MYO1H: variants seen among roughly 807,000 people sequenced by gnomAD.
MYO1H encodes myosin IH, also known as unconventional myosin-Ih.
A neutral mutation model predicts 149.3 loss-of-function variants in MYO1H; 118 were observed. The ratio of observed to expected loss-of-function variants is 0.79; its 90% CI spans 0.68 to 0.92. The LOEUF is 0.92. MYO1H is among the 40% of genes least tolerant of loss of function. The pLI, the probability that MYO1H is intolerant of heterozygous loss-of-function variation, is 0.00. For missense variants in MYO1H, 1,212 were observed against 1,280.7 expected (o/e 0.95, Z 0.82); for synonymous variants, 447 against 465.2 (o/e 0.96, Z 0.50).
intron 1 of MYO1H, among the ~76,000 whole-genome samples, chr12:109,370,036 A>G (rs752122253): frequency 6.6e-6 from 1 of 152,170 alleles, no homozygotes; most frequent in African/African-American, 2.4e-5. Flanking sequence ...TGTCATGAGA[A>G]CAGCACAGGG....
At chr12:109,421,815 G>A (rs1871188005) in intron 16 of MYO1H, among the ~76,000 whole-genome samples, 2 of 152,162 alleles carry the variant, frequency 1.3e-5, no homozygotes, top group African/African-American at 4.8e-5. Flanking sequence ...AATCTGAGAA[G>A]TGTTGCTGCT....
intron 31 of MYO1H, chr12:109,446,951 C>G (rs1428604031): frequency 1.6e-6 from 1 of 621,822 alleles, no homozygotes; most frequent in Admixed American, 2.6e-5. Flanking sequence ...CGGAGTCCAT[C>G]TTCCTCCCTG....
intron 1 of MYO1H, among the ~76,000 whole-genome samples, chr12:109,351,739 A>G (rs1038947552): frequency 1.3e-5 from 2 of 152,172 alleles, no homozygotes; most frequent in Non-Finnish European, 2.9e-5. Flanking sequence ...TGTTAGAGTC[A>G]CTCAAATTTC....
At chr12:109,326,096 G>A in the MYO1H span, among the ~76,000 whole-genome samples, 107 of 152,298 alleles carry the variant, frequency 7.0e-4, no homozygotes, top group Non-Finnish European at 1.4e-3. Context: ...TGCTATCTGA[G>A]GCCCTGTCAG....
intron 1 of MYO1H, among the ~76,000 whole-genome samples, chr12:109,379,395 G>A (rs1055912356): frequency 2.0e-4 from 31 of 152,192 alleles, no homozygotes; most frequent in African/African-American, 6.5e-4. Context: ...GTCTACATGT[G>A]TTAGTTGATT....
At chr12:109,367,343 C>T (rs921838051) in intron 1 of MYO1H, among the ~76,000 whole-genome samples, 36 of 152,156 alleles carry the variant, frequency 2.4e-4, no homozygotes, top group South Asian at 8.3e-4. Flanking sequence ...TACAAAAGCC[C>T]GTCACCTGTA....
intron 1 of MYO1H, among the ~76,000 whole-genome samples, chr12:109,365,629 T>A (rs1868850659): frequency 6.6e-6 from 1 of 152,238 alleles, no homozygotes; most frequent in African/African-American, 2.4e-5. Flanking sequence ...TCTTAGATAG[T>A]TGAGCCTTAG....
chr12:109,326,733 T>A, the MYO1H span, among the ~76,000 whole-genome samples: 1 of 152,002 alleles, frequency 6.6e-6, no homozygotes, highest in African/African-American at 2.4e-5. Flanking sequence ...TTGCCCAGGC[T>A]GGTCTCAAAT....
chr12:109,438,397 G>A (rs772503112), intron 22 of MYO1H, 139 bp from the exon 23 acceptor site: 15 of 690,584 alleles, frequency 2.2e-5, no homozygotes, highest in African/African-American at 9.0e-5. Context: ...ACATTCATCC[G>A]ACCTTCCATC....
At chr12:109,316,800 G>A in the MYO1H span, among the ~76,000 whole-genome samples, 1 of 152,182 alleles carries the variant, frequency 6.6e-6, no homozygotes, top group East Asian at 1.9e-4. Flanking sequence ...TGGGACCCTC[G>A]GGTCCCTAAG....
chr12:109,359,620 G>C (rs1375356706), intron 1 of MYO1H: 1 of 152,180 alleles, frequency 6.6e-6, no homozygotes, highest in Non-Finnish European at 1.5e-5. Context: ...AATCCACAGT[G>C]ACGTTAAATG....
At chr12:109,378,594 CA>C (rs996606603) in intron 1 of MYO1H, among the ~76,000 whole-genome samples, 1 of 152,204 alleles carries the variant, frequency 6.6e-6, no homozygotes, top group African/African-American at 2.4e-5. Context: ...GCTGGGATTG[CA>C]GGCATGCGCC....
At chr12:109,320,662 GAAGAAAAGT>G in the MYO1H span, among the ~76,000 whole-genome samples, 2 of 150,074 alleles carry the variant, frequency 1.3e-5, no homozygotes, top group Non-Finnish European at 3.0e-5. Flanking sequence ...TTTTGTATGT[GAAGAAAAGT>G]AAGCTGAGTT....
chr12:109,313,052 C>CT, the MYO1H span, among the ~76,000 whole-genome samples: 2 of 151,844 alleles, frequency 1.3e-5, no homozygotes, highest in Non-Finnish European at 2.9e-5. Context: ...CCAGCCTGAG[C>CT]AACATGGTGA....
chr12:109,409,228 CTT>C (rs1870538911), intron 10 of MYO1H, among the ~76,000 whole-genome samples: 1 of 96,906 alleles, frequency 1.0e-5, no homozygotes, highest in South Asian at 3.7e-4. Flanking sequence ...TCTTCTTTTT[CTT>C]CTTCTTCTTC....
intron 1 of MYO1H, among the ~76,000 whole-genome samples, chr12:109,351,346 C>T (rs893794826): frequency 2.0e-5 from 3 of 152,116 alleles, no homozygotes; most frequent in Non-Finnish European, 2.9e-5. Flanking sequence ...ACTATCTTAC[C>T]TTATCTTTTG....
the MYO1H span, among the ~76,000 whole-genome samples, chr12:109,319,617 A>G: frequency 1.3e-5 from 2 of 152,326 alleles, no homozygotes; most frequent in East Asian, 3.9e-4. Flanking sequence ...GGAAATGAGT[A>G]TAACAATTAT....
At chr12:109,393,817 TA>T (rs1033839091) in intron 3 of MYO1H, among the ~76,000 whole-genome samples, 3 of 152,176 alleles carry the variant, frequency 2.0e-5, no homozygotes, top group Non-Finnish European at 4.4e-5. Flanking sequence ...AGAGGGTCTT[TA>T]TGGAATCTCA....
At chr12:109,387,170 A>G (rs984662132) in intron 1 of MYO1H, among the ~76,000 whole-genome samples, 2 of 152,070 alleles carry the variant, frequency 1.3e-5, no homozygotes, top group African/African-American at 2.4e-5. Context: ...GCTTTAGACA[A>G]TCCTCCTGCC....
Sources: gnomAD v4.1 joint callset for allele counts (sites outside exome capture counted in the v4.1 genomes callset) on GRCh38, gnomAD v4.1.1 for gene constraint, MANE v1.5 for transcripts, NCBI Gene and HGNC (gene_info 2026-07-23, HGNC 2026-07-21) for gene names.